TFDP2: variants seen among roughly 807,000 people sequenced by gnomAD.
TFDP2 encodes transcription factor Dp-2 (E2F dimerization partner 2).
TFDP2 carries 17 observed loss-of-function variants against 59.3 expected under a neutral mutation model. That is an observed-to-expected ratio of 0.29 (90% CI 0.20 to 0.43). The LOEUF (loss-of-function observed/expected upper bound fraction) is 0.43. Ranked by LOEUF, TFDP2 falls within the 20% of genes least tolerant of loss-of-function variation. The pLI is 1.00. For synonymous variants in TFDP2, 180 were observed against 194.7 expected (o/e 0.92, Z 0.63); for missense variants, 391 against 528.8 (o/e 0.74, Z 2.56).
At chr3:142,117,349 T>G (rs745989599) in intron 1 of TFDP2, among the ~76,000 whole-genome samples, 18 of 151,416 alleles carry the variant, frequency 1.2e-4, no homozygotes, top group Non-Finnish European at 2.5e-4. Context: ...ACAAAGGATC[T>G]AGGCCATCAA....
At chr3:142,043,589 C>A in intron 3 of TFDP2, 1 of 768,002 alleles carries the variant, frequency 1.3e-6, no homozygotes. Flanking sequence ...TATGTAATCA[C>A]GGAGGCCAGT....
At chr3:142,038,765 CAT>C (rs1352933972) in intron 3 of TFDP2, among the ~76,000 whole-genome samples, 2 of 152,120 alleles carry the variant, frequency 1.3e-5, no homozygotes, top group Non-Finnish European at 2.9e-5. Context: ...TCACACCATA[CAT>C]GTTAGTTTAA....
intron 1 of TFDP2, among the ~76,000 whole-genome samples, chr3:142,111,852 G>A (rs977403375): frequency 2.6e-5 from 4 of 152,218 alleles, no homozygotes; most frequent in South Asian, 2.1e-4. Context: ...GATCACTTGC[G>A]CTCAGAAGTT....
chr3:142,073,061 A>G (rs1358788110), intron 3 of TFDP2, among the ~76,000 whole-genome samples: 2 of 152,232 alleles, frequency 1.3e-5, no homozygotes, highest in African/African-American at 4.8e-5. Flanking sequence ...ATCAACAGTG[A>G]TAAGTCATGT....
chr3:142,022,237 G>T (rs557849344), intron 3 of TFDP2, among the ~76,000 whole-genome samples: 29 of 152,222 alleles, frequency 1.9e-4, no homozygotes, highest in African/African-American at 7.0e-4. Context: ...AGCTCCACTG[G>T]ACACCTAAAG....
rs375848503 is a variant in TFDP2 at position 141,957,721 on chromosome 3, C to A, written c.1051+1953G>T. Among the ~76,000 whole-genome samples the A allele has an allele frequency of 7.2e-5, 11 of 152,236 alleles. No individual in the cohort carries two copies. The South Asian group carries it at 1.0e-3, about 14-fold the overall frequency. ...TGAAAGAAGCTATCCACAAAATGCC[C>A]CATGCTGTAGGGTTCCATTCACATA... On this transcript the variant is annotated intron_variant, in intron 11 of 12. Coordinates refer to ENST00000489671, the MANE Select transcript of TFDP2 (RefSeq NM_001178139.2).
chr3:141,968,593 GAT>G (rs1200200852), intron 9 of TFDP2, among the ~76,000 whole-genome samples: 1 of 75,094 alleles, frequency 1.3e-5, no homozygotes, highest in African/African-American at 5.7e-5. Context: ...CTCATATATA[GAT>G]ATATATAACA....
chr3:142,093,077 ATTCTGATCTATAAATCCTCTTAC>A lies in TFDP2; in HGVS notation c.43_65del (p.Val15SerfsTer82). ...AATCCTTACCTTTTGTTGGACTGAG[ATTCTGATCTATAAATCCTCTTAC>A]TTCTGCATTTGTGGAAGTCAAACCA... On this transcript the variant is annotated frameshift_variant, in exon 3 of 13. Coordinates refer to ENST00000489671, the MANE Select transcript of TFDP2 (RefSeq NM_001178139.2). LOFTEE classifies it high-confidence loss of function. 1 of 1,538,236 alleles carries A rather than the reference ATTCTGATCTATAAATCCTCTTAC, an allele frequency of 6.5e-7. No homozygotes were observed. The highest frequency in any genetic ancestry group is 8.7e-7 in the Non-Finnish European group (1 of 1,148,336).
chr3:141,961,259 T>TTTTTTTTTTC (rs1937323672), intron 10 of TFDP2, among the ~76,000 whole-genome samples: 1 of 146,654 alleles, frequency 6.8e-6, no homozygotes, highest in South Asian at 2.2e-4. Context: ...TTTTTTTTTT[T>TTTTTTTTTTC]TTGAGACAGA....
intron 6 of TFDP2, among the ~76,000 whole-genome samples, chr3:141,979,040 A>G (rs1941131051): frequency 6.6e-6 from 1 of 152,238 alleles, no homozygotes; most frequent in African/African-American, 2.4e-5. Context: ...CTCTATGTAG[A>G]TTATAGTTTT....
At chr3:142,116,176 C>T (rs2061847290) in intron 1 of TFDP2, among the ~76,000 whole-genome samples, 1 of 151,978 alleles carries the variant, frequency 6.6e-6, no homozygotes, top group Non-Finnish European at 1.5e-5. Flanking sequence ...GCAATCCTCC[C>T]GCCTTAACTC....
At chr3:141,982,100 T>C (rs1217345040) in intron 6 of TFDP2, among the ~76,000 whole-genome samples, 2 of 152,184 alleles carry the variant, frequency 1.3e-5, no homozygotes, top group Admixed American at 6.5e-5. Flanking sequence ...AATTGAGATA[T>C]GTCGTAAGTT....
chr3:141,999,029 T>C lies in TFDP2; in HGVS notation c.187-3888A>G, dbSNP rs539590597. ...TTACTCTTCTAAAATAAGACAGCCA[T>C]TAGATTATCTTATACAGTTGACCCT... On this transcript the variant is annotated intron_variant, in intron 4 of 12. Coordinates refer to ENST00000489671, the MANE Select transcript of TFDP2 (RefSeq NM_001178139.2). Among the ~76,000 whole-genome samples, 8 of 152,300 alleles carry C rather than the reference T, an allele frequency of 5.3e-5. No individual in the cohort carries two copies. The South Asian group carries it at 1.7e-3, about 32-fold the overall frequency.
In TFDP2 at chr3:142,057,422, C is replaced by T. The variant is rs1007002002; in HGVS notation, c.82+35639G>A. The stretch of plus-strand genomic sequence containing the variant: ...CTTGGATTAGCTCTGGTTCTTAGCT[C>T]GATTTCATGTGTGCTAAGAATGATA... On this transcript the variant is annotated intron_variant, in intron 3 of 12. Transcript: ENST00000489671. Among the ~76,000 whole-genome samples the T allele has an allele frequency of 2.6e-5, 4 of 152,244 alleles. No homozygotes were observed. In the South Asian group the frequency reaches 6.2e-4, roughly 24 times the overall value.
At chr3:142,017,272 T>C (rs1185324005) in intron 3 of TFDP2, among the ~76,000 whole-genome samples, 1 of 152,206 alleles carries the variant, frequency 6.6e-6, no homozygotes, top group East Asian at 1.9e-4. Flanking sequence ...AATAGGGGCT[T>C]TGTCATCTCA....
At chr3:142,041,168 G>T (rs1432816727) in intron 3 of TFDP2, among the ~76,000 whole-genome samples, 1 of 152,156 alleles carries the variant, frequency 6.6e-6, no homozygotes, top group Non-Finnish European at 1.5e-5. Flanking sequence ...GGGCTGACTT[G>T]TGCATGGCTT....
At chr3:142,043,175 T>C (rs1038822336) in intron 3 of TFDP2, among the ~76,000 whole-genome samples, 4 of 151,754 alleles carry the variant, frequency 2.6e-5, no homozygotes, top group Admixed American at 6.6e-5. Context: ...GCCTCCCAAG[T>C]AGCTGGGACT....
intron 3 of TFDP2, among the ~76,000 whole-genome samples, chr3:142,028,020 A>T (rs1000867769): frequency 2.0e-5 from 3 of 152,346 alleles, no homozygotes; most frequent in Non-Finnish European, 4.4e-5. Flanking sequence ...TCAAAGCACA[A>T]ATACTTTTAA....
chr3:142,099,423 C>G (rs2061257011), intron 2 of TFDP2, among the ~76,000 whole-genome samples: 2 of 152,254 alleles, frequency 1.3e-5, no homozygotes, highest in South Asian at 4.1e-4. Flanking sequence ...TGACCCGGGC[C>G]AGGCGCGGTG....
Sources: gnomAD v4.1 joint callset for allele counts (sites outside exome capture counted in the v4.1 genomes callset) on GRCh38, gnomAD v4.1.1 for gene constraint, MANE v1.5 for transcripts, NCBI Gene and HGNC (gene_info 2026-07-23, HGNC 2026-07-21) for gene names.